MIAT: variants seen among roughly 807,000 people sequenced by gnomAD.
MIAT encodes myocardial infarction associated transcript.
exon 6 of MIAT, chr22:26,669,078 TC>T: frequency 2.5e-6 from 1 of 398,634 alleles, no homozygotes; most frequent in East Asian, 3.6e-5. Context: ...GTTGCACTGC[TC>T]CTGGATTCTG....
downstream of MIAT, chr22:26,673,730 T>C: frequency 2.5e-6 from 1 of 398,634 alleles, no homozygotes; most frequent in Non-Finnish European, 4.4e-6. Context: ...GCTAACAATT[T>C]TGGGCGTGGT....
At chr22:26,664,591 T>C (rs918586728) in intron 3 of MIAT, among the ~76,000 whole-genome samples, 1 of 152,204 alleles carries the variant, frequency 6.6e-6, no homozygotes, top group African/African-American at 2.4e-5. Context: ...TTTGTATAAA[T>C]GAGATCATAC....
intron 2 of MIAT, among the ~76,000 whole-genome samples, chr22:26,662,685 C>T (rs1470290109): frequency 6.6e-6 from 1 of 152,240 alleles, no homozygotes; most frequent in Non-Finnish European, 1.5e-5. Flanking sequence ...GGTGCTGGCT[C>T]ATCCAAGGCA....
downstream of MIAT, chr22:26,669,749 G>A (rs1234711709): frequency 7.5e-6 from 3 of 398,928 alleles, no homozygotes; most frequent in East Asian, 3.6e-5. Flanking sequence ...AAGCAGACAC[G>A]GAGAGTGGCA....
At chr22:26,654,561 G>A (rs1226324898) in intron 2 of MIAT, among the ~76,000 whole-genome samples, 1 of 152,132 alleles carries the variant, frequency 6.6e-6, no homozygotes, top group Non-Finnish European at 1.5e-5. Context: ...TGAATTAGGG[G>A]GAAGTCGTAG....
intron 2 of MIAT, chr22:26,663,264 C>A: frequency 2.5e-6 from 1 of 398,524 alleles, no homozygotes; most frequent in South Asian, 1.3e-4. Flanking sequence ...CCACTGTACC[C>A]ATGGGTATGT....
exon 5 of MIAT, chr22:26,667,189 G>A (rs1464181613): frequency 3.5e-5 from 14 of 398,540 alleles, no homozygotes; most frequent in African/African-American, 6.2e-5. Flanking sequence ...ATTCAGCACC[G>A]GCATGGACCA....
chr22:26,658,220 G>A (rs930487552), intron 2 of MIAT: 1 of 149,472 alleles, frequency 6.7e-6, no homozygotes, highest in Non-Finnish European at 1.5e-5. Flanking sequence ...AGGATGGAGA[G>A]GGCTGGTAGG....
chr22:26,661,608 G>A (rs1930664546), intron 2 of MIAT, among the ~76,000 whole-genome samples: 1 of 152,110 alleles, frequency 6.6e-6, no homozygotes, highest in Non-Finnish European at 1.5e-5. Flanking sequence ...GGCTCAGAGA[G>A]GTGAAGTGAT....
At chr22:26,665,543 TC>T (rs1290272850) in exon 4 of MIAT, 1 of 398,572 alleles carries the variant, frequency 2.5e-6, no homozygotes, top group Non-Finnish European at 4.4e-6. Flanking sequence ...AGCAGCAAGT[TC>T]CTGGGACAGA....
chr22:26,660,572 C>A (rs1156604731), intron 2 of MIAT: 3 of 151,902 alleles, frequency 2.0e-5, no homozygotes, highest in African/African-American at 7.3e-5. Flanking sequence ...ACGACCTTTG[C>A]AGAAATCATT....
intron 2 of MIAT, among the ~76,000 whole-genome samples, chr22:26,656,672 C>T (rs2146001171): frequency 6.6e-6 from 1 of 152,296 alleles, no homozygotes; most frequent in East Asian, 1.9e-4. Context: ...AACTCTAGAA[C>T]CACTACTTCA....
downstream of MIAT, chr22:26,671,932 C>T (rs529936518): frequency 3.3e-5 from 13 of 398,458 alleles, no homozygotes; most frequent in South Asian, 1.1e-3. Context: ...CACACAGATC[C>T]TTCTGCCTGG....
At chr22:26,672,564 G>A, downstream of MIAT, 1 of 399,270 alleles carries the variant, frequency 2.5e-6, no homozygotes, top group Non-Finnish European at 4.4e-6. Flanking sequence ...CTAGACTGTG[G>A]AGCTCTGAGC....
At chr22:26,670,233 T>G (rs1440568026), downstream of MIAT, 1 of 398,360 alleles carries the variant, frequency 2.5e-6, no homozygotes, top group East Asian at 3.6e-5. Flanking sequence ...GTATTTAAAT[T>G]CTACTCTCTC....
intron 2 of MIAT, among the ~76,000 whole-genome samples, chr22:26,661,015 G>T (rs1930643583): frequency 6.6e-6 from 1 of 152,240 alleles, no homozygotes; most frequent in African/African-American, 2.4e-5. Flanking sequence ...TGCACCCACT[G>T]GGTGTCAGCT....
downstream of MIAT, chr22:26,674,098 T>G (rs1241565028): frequency 3.5e-5 from 14 of 398,486 alleles, no homozygotes; most frequent in Middle Eastern, 6.2e-4. Context: ...GGACTTTGTG[T>G]TTTGGAAGTT....
At chr22:26,666,518 G>A (rs1163063956) in exon 4 of MIAT, 1 of 398,594 alleles carries the variant, frequency 2.5e-6, no homozygotes, top group Non-Finnish European at 4.4e-6. Flanking sequence ...CAGTGTGGCA[G>A]GAGCAGAGCT....
At chr22:26,675,715 A>G (rs545966376) in exon 5 of MIAT, 1 of 398,672 alleles carries the variant, frequency 2.5e-6, no homozygotes, top group African/African-American at 2.1e-5. Flanking sequence ...GATCAGGGGA[A>G]ACACAGTCAT....
Sources: gnomAD v4.1 joint callset for allele counts (sites outside exome capture counted in the v4.1 genomes callset) on GRCh38, gnomAD v4.1.1 for gene constraint, MANE v1.5 for transcripts, NCBI Gene and HGNC (gene_info 2026-07-23, HGNC 2026-07-21) for gene names.